Variants in ZNF608 observed in about 807,000 individuals in gnomAD.
ZNF608 encodes renal carcinoma antigen NY-REN-36.
A neutral mutation model predicts 109.0 loss-of-function variants in ZNF608; 12 were observed. The observed-to-expected ratio is 0.11, with a 90% CI of 0.07 to 0.18. The LOEUF is 0.18. ZNF608 is among the 10% of genes least tolerant of loss of function. ZNF608 has a pLI of 1.00. For missense variants in ZNF608, 1,707 were observed against 1,879.3 expected (o/e 0.91, Z 1.70); for synonymous variants, 732 against 717.4 (o/e 1.02, Z -0.33).
intron 3 of ZNF608, among the ~76,000 whole-genome samples, chr5:124,684,667 T>C (rs1376986022): frequency 6.6e-6 from 1 of 152,234 alleles, no homozygotes; most frequent in East Asian, 1.9e-4. Flanking sequence ...ATGGGCGTAG[T>C]GGGAAGTGAG....
intron 2 of ZNF608, among the ~76,000 whole-genome samples, chr5:124,705,418 TA>T (rs373346577): frequency 3.3e-5 from 5 of 152,100 alleles, no homozygotes; most frequent in African/African-American, 1.2e-4. Flanking sequence ...GGAGTAATAA[TA>T]ACAATTACCC....
upstream of ZNF608, among the ~76,000 whole-genome samples, chr5:124,746,994 A>G (rs1362820228): frequency 6.6e-6 from 1 of 151,610 alleles, no homozygotes; most frequent in Non-Finnish European, 1.5e-5. Flanking sequence ...GGCGTTTAAA[A>G]TGGGCTCAGT....
chr5:124,660,102 T>A (rs1561543024), intron 3 of ZNF608, among the ~76,000 whole-genome samples: 1 of 152,098 alleles, frequency 6.6e-6, no homozygotes, highest in Admixed American at 6.6e-5. Flanking sequence ...CTGCTATTAT[T>A]CCATTCACTG....
chr5:124,654,753 G>A (rs1750936058), intron 3 of ZNF608, among the ~76,000 whole-genome samples: 1 of 152,210 alleles, frequency 6.6e-6, no homozygotes, highest in South Asian at 2.1e-4. Flanking sequence ...TGGCCCATAA[G>A]AACCTCTCAT....
intron 2 of ZNF608, among the ~76,000 whole-genome samples, chr5:124,716,142 C>G (rs535497909): frequency 2.7e-5 from 2 of 73,958 alleles, no homozygotes; most frequent in African/African-American, 9.2e-5. Flanking sequence ...GAATCCGTCT[C>G]AAAAAAAAAA....
At position 124,745,090 on chromosome 5, in the gene ZNF608, A is replaced by G. The variant is rs1749589960; in HGVS notation, c.-101T>C. The G allele has an allele frequency of 6.8e-7, 1 of 1,472,682 alleles. No individual in the cohort carries two copies. The highest frequency in any genetic ancestry group is 8.9e-7 in the Non-Finnish European group (1 of 1,121,888). 91.2% of individuals were successfully genotyped at this position (1,472,682 alleles called of 1,614,324 possible). On this transcript the variant is annotated 5_prime_UTR_variant, in exon 2 of 10. Coordinates refer to ENST00000513986, the MANE Select transcript of ZNF608 (RefSeq NM_020747.3). Reference sequence around the variant, plus strand: ...CTGGGCTTTCTCTCAAAGAAAAAAAAAATCTTCTAATCTTCCTCTTCTTTT... The same window carrying G: ...CTGGGCTTTCTCTCAAAGAAAAAAAGAATCTTCTAATCTTCCTCTTCTTTT...
chr5:124,712,905 T>C (rs1413043608), intron 2 of ZNF608, among the ~76,000 whole-genome samples: 1 of 152,236 alleles, frequency 6.6e-6, no homozygotes, highest in African/African-American at 2.4e-5. Flanking sequence ...AGATGACTCA[T>C]GATCTTTGAG....
intron 3 of ZNF608, among the ~76,000 whole-genome samples, chr5:124,689,383 T>A (rs748137992): frequency 2.6e-5 from 4 of 151,258 alleles, no homozygotes; most frequent in Non-Finnish European, 4.4e-5. Context: ...GTCAAAAAGT[T>A]CAAACCTGCA....
At chr5:124,671,525 C>A (rs1751720450) in intron 3 of ZNF608, among the ~76,000 whole-genome samples, 1 of 152,154 alleles carries the variant, frequency 6.6e-6, no homozygotes. Context: ...CCACACAATA[C>A]CTCAAGAGTC....
At chr5:124,743,207 G>A (rs559773707) in intron 2 of ZNF608, among the ~76,000 whole-genome samples, 4 of 152,180 alleles carry the variant, frequency 2.6e-5, no homozygotes, top group South Asian at 2.1e-4. Flanking sequence ...CATCCACACC[G>A]TTTAAATGCA....
intron 3 of ZNF608, among the ~76,000 whole-genome samples, chr5:124,685,030 T>C (rs1394353293): frequency 6.6e-6 from 1 of 152,240 alleles, no homozygotes; most frequent in Non-Finnish European, 1.5e-5. Context: ...CAGAGGATCT[T>C]AATAAACACA....
rs748930733 is a variant in ZNF608 at position 124,646,981 on chromosome 5, A to G, written c.3403T>C (p.Leu1135=). The change falls in exon 5 of 10, where the codon TTG becomes CTG. Residue 1135 remains leucine (L), a synonymous_variant. Coordinates refer to ENST00000513986, the MANE Select transcript of ZNF608 (RefSeq NM_020747.3). ...GDCERKSELP[L]KELGKEETKQ... ...GTTTCCTCCTTGCCCAGCTCTTTCAAGGGGAGCTCACTTTTCCTTTCACAG... is the reference window on the plus strand; with the variant it reads ...GTTTCCTCCTTGCCCAGCTCTTTCAGGGGGAGCTCACTTTTCCTTTCACAG... 1 of 1,613,916 alleles carries G rather than the reference A, an allele frequency of 6.2e-7. No homozygotes were observed. Among genetic ancestry groups the G allele is most frequent in the Non-Finnish European group, 8.5e-7 (1 of 1,179,996 alleles).
intron 3 of ZNF608, 152 bp downstream of exon 3, chr5:124,700,862 C>T (rs6873550): frequency 0.9 from 947,535 of 1,057,160 alleles, 425,749 homozygotes; most frequent in East Asian, 1. Flanking sequence ...ACAAACACGG[C>T]TCTTACTTCC....
In ZNF608 at chr5:124,733,289, T is replaced by C. The variant is rs996929352; in HGVS notation, c.906+10795A>G. The stretch of plus-strand genomic sequence containing the variant: ...AAGACTTCTAGGTTCTTCCATTATT[T>C]AGCTCTCCCAATGGTTAAAAAGCAA... On this transcript the variant is annotated intron_variant, in intron 2 of 9. Transcript: ENST00000513986. 7.3e-5 allele frequency among the ~76,000 whole-genome samples: 11 copies of C among 151,258 alleles called. No individual in the cohort carries two copies. In the South Asian group the frequency reaches 2.3e-3, roughly 32 times the overall value.
At chr5:124,727,460 T>A (rs1198787701) in intron 2 of ZNF608, among the ~76,000 whole-genome samples, 1 of 152,126 alleles carries the variant, frequency 6.6e-6, no homozygotes, top group Non-Finnish European at 1.5e-5. Context: ...TCATTGGGTA[T>A]GTTAGAAATA....
chr5:124,664,869 C>T (rs565116339), intron 3 of ZNF608, among the ~76,000 whole-genome samples: 5 of 152,274 alleles, frequency 3.3e-5, no homozygotes, highest in South Asian at 2.1e-4. Flanking sequence ...AGGTGGCAAG[C>T]ATCTCTTCTC....
At chr5:124,644,176 A>T in intron 6 of ZNF608, 68 bp downstream of exon 6, 1 of 1,377,606 alleles carries the variant, frequency 7.3e-7, no homozygotes, top group Non-Finnish European at 9.8e-7. Context: ...ATTTATCTTG[A>T]GTTTTTAACA....
chr5:124,667,255 G>T (rs1751516002), intron 3 of ZNF608, among the ~76,000 whole-genome samples: 2 of 152,298 alleles, frequency 1.3e-5, no homozygotes, highest in African/African-American at 4.8e-5. Context: ...AGGAGGAATG[G>T]TGGGGGGCAA....
Position 124,668,208 on chromosome 5 carries a change from A to C in ZNF608, c.1163-18511T>G, listed in dbSNP as rs1458317480. Among the ~76,000 whole-genome samples, 101 of 144,224 alleles carry C rather than the reference A, an allele frequency of 7.0e-4. 2 individuals carry two copies. In the South Asian group the frequency reaches 0.013, roughly 18 times the overall value. The allele number at this position is 144,224 out of a possible 152,430, so 94.6% of individuals were successfully genotyped here. On this transcript the variant is annotated intron_variant, in intron 3 of 9. Transcript: ENST00000513986. Reference sequence around the variant, plus strand: ...TCTATGCTTAAAAATATATATATATATATATATATTATATATATATATATT... The same window carrying C: ...TCTATGCTTAAAAATATATATATATCTATATATATTATATATATATATATT...
Sources: allele counts gnomAD v4.1 joint callset (sites outside exome capture counted in the v4.1 genomes callset), GRCh38; gene constraint gnomAD v4.1.1; transcripts MANE v1.5; gene names NCBI Gene and HGNC (gene_info 2026-07-23, HGNC 2026-07-21).